Variants in RGS6 observed in about 807,000 individuals in gnomAD.
RGS6 encodes regulator of G protein signaling 6.
A neutral mutation model predicts 78.5 loss-of-function variants in RGS6; 30 were observed. The ratio of observed to expected loss-of-function variants is 0.38; its 90% confidence interval spans 0.29 to 0.52. RGS6 has a LOEUF of 0.52. Ranked by LOEUF, RGS6 falls within the 20% of genes least tolerant of loss-of-function variation. The pLI, the probability that RGS6 is intolerant of heterozygous loss-of-function variation, is 0.85. For missense variants in RGS6, 495 were observed against 609.7 expected, an observed-to-expected ratio of 0.81 and a Z score of 1.98; for synonymous variants, 206 against 206.0, an observed-to-expected ratio of 1.00 and a Z score of 0.00.
chr14:72,107,165 T>C (rs895133254), intron 2 of RGS6, among the ~76,000 whole-genome samples: 9 of 152,116 alleles, frequency 5.9e-5, no homozygotes, highest in African/African-American at 1.9e-4. Context: ...TGCTCAGTTT[T>C]CCTTTTATTT....
intron 3 of RGS6, among the ~76,000 whole-genome samples, chr14:72,383,626 C>A (rs1000923066): frequency 3.2e-4 from 48 of 152,070 alleles, no homozygotes; most frequent in African/African-American, 1.1e-3. Flanking sequence ...GTCACCGGTC[C>A]CGTTCTTAAG....
chr14:71,975,732 T>C (rs1595503983), intron 2 of RGS6, among the ~76,000 whole-genome samples: 1 of 152,306 alleles, frequency 6.6e-6, no homozygotes, highest in East Asian at 1.9e-4. Context: ...GCTGGGATTA[T>C]AGGCATGAGC....
At chr14:72,540,017 T>A (rs1185188100) in intron 16 of RGS6, 24 bp from the exon 17 acceptor site, 1 of 1,543,442 alleles carries the variant, frequency 6.5e-7, no homozygotes, top group Non-Finnish European at 8.6e-7. Flanking sequence ...TTTTTCTCCC[T>A]ACCCTTTTTT....
downstream of RGS6, among the ~76,000 whole-genome samples, chr14:72,567,370 A>T (rs2097714666): frequency 6.6e-6 from 1 of 152,154 alleles, no homozygotes; most frequent in East Asian, 1.9e-4. Flanking sequence ...CCTCCAGGGA[A>T]CCCAAGCTGC....
At chr14:72,125,436 A>G (rs1567256825) in intron 2 of RGS6, among the ~76,000 whole-genome samples, 1 of 152,126 alleles carries the variant, frequency 6.6e-6, no homozygotes, top group South Asian at 2.1e-4. Context: ...TTCAAGTAGA[A>G]TAGGGAACTG....
intron 2 of RGS6, among the ~76,000 whole-genome samples, chr14:72,015,524 AC>A (rs1368379978): frequency 5.9e-5 from 9 of 152,202 alleles, no homozygotes; most frequent in Non-Finnish European, 8.8e-5. Context: ...AGATGCTTTC[AC>A]CTTTTTTGTT....
chr14:72,582,201 T>C, the RGS6 span, among the ~76,000 whole-genome samples: 4 of 152,098 alleles, frequency 2.6e-5, no homozygotes, highest in African/African-American at 4.8e-5. Context: ...TGCCACCATA[T>C]TGGGGATCAA....
intron 2 of RGS6, among the ~76,000 whole-genome samples, chr14:72,347,573 A>G (rs2078291672): frequency 6.6e-6 from 1 of 152,210 alleles, no homozygotes; most frequent in African/African-American, 2.4e-5. Flanking sequence ...TGTCTATAAA[A>G]TGGGGATATA....
intron 2 of RGS6, among the ~76,000 whole-genome samples, chr14:72,270,821 T>C (rs1357175093): frequency 6.6e-6 from 1 of 152,258 alleles, no homozygotes. Context: ...CAAAAAACTT[T>C]TGAATGCACC....
chr14:72,352,133 A>G lies in RGS6; in HGVS notation c.123A>G (p.Thr41=). ...DIITKMQDDK[T]GGVPIRTVKS... is the part of the protein sequence containing the mutation. ...TTACAAAGATGCAAGATGACAAGAC[A>G]GGGGGTGTGCCCATCAGAACAGTCA... The change falls in exon 3 of 18, where the codon ACA becomes ACG. Residue 41 remains threonine, a synonymous_variant. Transcript: ENST00000553525. The G allele has an allele frequency of 6.2e-7, 1 of 1,613,554 alleles. No individual in the cohort carries two copies.
At chr14:72,575,294 G>A in the RGS6 span, among the ~76,000 whole-genome samples, 1 of 152,152 alleles carries the variant, frequency 6.6e-6, no homozygotes, top group Non-Finnish European at 1.5e-5. Context: ...ACCAGGGATT[G>A]TGTAGGTCAT....
intron 2 of RGS6, among the ~76,000 whole-genome samples, chr14:72,177,831 G>T (rs527307686): frequency 1.2e-4 from 18 of 152,306 alleles, no homozygotes; most frequent in African/African-American, 3.8e-4. Flanking sequence ...ACTGAGAAAA[G>T]CCCAGTTTAC....
chr14:72,265,069 G>A (rs2058809573), intron 2 of RGS6, among the ~76,000 whole-genome samples: 1 of 152,232 alleles, frequency 6.6e-6, no homozygotes, highest in Non-Finnish European at 1.5e-5. Flanking sequence ...AATGGAATTA[G>A]GGGATAGTCT....
chr14:72,237,960 G>GT (rs35319409), intron 2 of RGS6, among the ~76,000 whole-genome samples: 50,527 of 151,844 alleles, frequency 0.33, 9,252 homozygotes, highest in South Asian at 0.46. Context: ...CTGCCCTCTG[G>GT]GTACCTGGCT....
At chr14:72,056,579 C>G (rs2093632550) in intron 2 of RGS6, among the ~76,000 whole-genome samples, 1 of 152,160 alleles carries the variant, frequency 6.6e-6, no homozygotes, top group Non-Finnish European at 1.5e-5. Context: ...TTGACAATCA[C>G]TTTTATGCAA....
intron 2 of RGS6, among the ~76,000 whole-genome samples, chr14:72,315,289 T>C (rs1250923112): frequency 6.6e-6 from 1 of 152,252 alleles, no homozygotes; most frequent in Non-Finnish European, 1.5e-5. Context: ...AATGTAAATA[T>C]GTTTCTGTTA....
At chr14:72,203,741 G>A (rs1459499432) in intron 2 of RGS6, among the ~76,000 whole-genome samples, 1 of 152,040 alleles carries the variant, frequency 6.6e-6, no homozygotes, top group Non-Finnish European at 1.5e-5. Flanking sequence ...CTGGGAATGT[G>A]GGCAAGGCAT....
chr14:72,619,682 G>A, the RGS6 span, among the ~76,000 whole-genome samples: 1 of 152,156 alleles, frequency 6.6e-6, no homozygotes, highest in African/African-American at 2.4e-5. Context: ...AACTTCCTTG[G>A]CCCTCAAGTT....
intron 7 of RGS6, among the ~76,000 whole-genome samples, chr14:72,469,208 T>TTG (rs2096009296): frequency 1.9e-5 from 1 of 53,586 alleles, no homozygotes; most frequent in Admixed American, 2.5e-4. Flanking sequence ...TTTGGGGCAC[T>TTG]TTTTTTTTTT....
Sources: allele counts gnomAD v4.1 joint callset (sites outside exome capture counted in the v4.1 genomes callset), GRCh38; gene constraint gnomAD v4.1.1; transcripts MANE v1.5; gene names NCBI Gene and HGNC (gene_info 2026-07-23, HGNC 2026-07-21).